The following GTPBP1 variants were observed in gnomAD, a reference collection of about 807,000 sequenced individuals.
The protein encoded by GTPBP1 is GTP binding protein 1, also known as GTP-binding protein 1.
GTPBP1 carries 23 observed loss-of-function variants against 62.0 expected under a neutral mutation model. That is an observed-to-expected ratio of 0.37 (90% confidence interval 0.27 to 0.53). The LOEUF (loss-of-function observed/expected upper bound fraction) is 0.53, where lower values mean the gene tolerates loss of function less well. GTPBP1 is among the 20% of genes least tolerant of loss of function. The probability of loss-of-function intolerance (pLI) is 0.89; values close to 1 mark genes in which losing one functional copy is unlikely to be tolerated. For missense variants in GTPBP1, 640 were observed against 917.3 expected (o/e 0.70, Z 3.90); for synonymous variants, 344 against 364.4 (o/e 0.94, Z 0.64).
chr22:38,727,116 G>A lies in GTPBP1; in HGVS notation c.1402-97G>A, dbSNP rs952105263. ...TGAGGAAACCAGGCAGAGTTGGGGT[G>A]GTCCCTATCCCTAGAAAGACTCTTG... On this transcript the variant is annotated intron_variant, in intron 8 of 11. Coordinates refer to ENST00000216044, the MANE Select transcript of GTPBP1 (RefSeq NM_004286.5). This position sits in a 1 kb window ranked among gnomAD's most constrained non-coding sequence, Gnocchi z 6.5. 1.6e-6 allele frequency: 2 copies of A among 1,213,580 alleles called. No individual in the cohort carries two copies. Among genetic ancestry groups the A allele is most frequent in the South Asian group, 1.7e-5 (1 of 59,404 alleles). 75.2% of individuals were successfully genotyped at this position (1,213,580 alleles called of 1,614,324 possible).
At chr22:38,725,614 A>C (rs1489101770) in intron 6 of GTPBP1, among the ~76,000 whole-genome samples, 1 of 152,204 alleles carries the variant, frequency 6.6e-6, no homozygotes, top group Non-Finnish European at 1.5e-5. Context: ...CTACAAGCCC[A>C]AGCCAAAGGG....
At chr22:38,741,325 A>G (rs2092855804), downstream of GTPBP1, among the ~76,000 whole-genome samples, 1 of 152,168 alleles carries the variant, frequency 6.6e-6, no homozygotes, top group Non-Finnish European at 1.5e-5. Flanking sequence ...GCCCCTGCAC[A>G]GCTCTCCAAC....
Position 38,726,462 on chromosome 22 carries a change from C to T in GTPBP1, c.1401+22C>T, listed in dbSNP as rs759405721. ...GAAGGTGAGTAGCGATGATACTGAA[C>T]GCTCCCCTCAGACTCCATCATGCTA... On this transcript the variant is annotated intron_variant, in intron 8 of 11. Coordinates refer to ENST00000216044, the MANE Select transcript of GTPBP1 (RefSeq NM_004286.5). The surrounding 1 kb of genome is among the most constrained non-coding windows in gnomAD (Gnocchi z 4.1). 54 of 1,600,684 alleles carry T rather than the reference C, an allele frequency of 3.4e-5. No homozygotes were observed. The highest frequency in any genetic ancestry group is 1.5e-4 in the South Asian group (14 of 90,474).
At chr22:38,710,466 C>A (rs1380664473) in intron 2 of GTPBP1, among the ~76,000 whole-genome samples, 1 of 152,132 alleles carries the variant, frequency 6.6e-6, no homozygotes, top group Non-Finnish European at 1.5e-5. Flanking sequence ...TCTTTCCTTC[C>A]CATCCTTGCT....
intron 4 of GTPBP1, among the ~76,000 whole-genome samples, chr22:38,720,220 G>A (rs1435763554): frequency 4.0e-5 from 6 of 150,510 alleles, no homozygotes; most frequent in South Asian, 2.1e-4. Context: ...GAGCCACCGC[G>A]CCTGGCCTTT....
Position 38,716,098 on chromosome 22 carries a change from C to A in GTPBP1, c.485+11C>A, listed in dbSNP as rs371668519. On this transcript the variant is annotated intron_variant, in intron 3 of 11. Coordinates refer to ENST00000216044, the MANE Select transcript of GTPBP1 (RefSeq NM_004286.5). The surrounding 1 kb of genome is among the most constrained non-coding windows in gnomAD (Gnocchi z 5.2). ...CTTCCTGGAGGTCAGGTGAGGAGGC[C>A]GCGGGACATTTTGGGGTCCCCATTC... 3.8e-6 allele frequency: 6 copies of A among 1,567,200 alleles called. No individual in the cohort carries two copies. Among genetic ancestry groups the A allele is most frequent in the Non-Finnish European group, 5.2e-6 (6 of 1,155,356 alleles).
rs1258970126 is a variant in GTPBP1 at position 38,716,530 on chromosome 22, G to A, written c.486-122G>A. On this transcript the variant is annotated intron_variant, in intron 3 of 11. Coordinates refer to ENST00000216044, the MANE Select transcript of GTPBP1 (RefSeq NM_004286.5). This position sits in a 1 kb window ranked among gnomAD's most constrained non-coding sequence, Gnocchi z 5.2. ...TGCTCCTCCGGCTCAAGGAGGAGCT[G>A]TGAGCCGGAGGGGATCGGGGCAAGC... 3.4e-5 allele frequency: 24 copies of A among 701,572 alleles called. No homozygotes were observed. In the South Asian group the frequency reaches 3.7e-4, roughly 11 times the overall value. 43.5% of individuals were successfully genotyped at this position (701,572 alleles called of 1,614,324 possible). A position where few individuals can be genotyped will look rare whatever the true frequency, so the allele number is the denominator to read the frequency against.
intron 5 of GTPBP1, chr22:38,723,125 C>T (rs2092709477): frequency 2.6e-6 from 2 of 780,498 alleles, no homozygotes; most frequent in Non-Finnish European, 4.7e-6. Flanking sequence ...CACAACTTCA[C>T]AGTTCACATC....
intron 4 of GTPBP1, 115 bp downstream of exon 4, chr22:38,717,115 C>A (rs368172354): frequency 4.5e-6 from 3 of 671,380 alleles, no homozygotes; most frequent in Non-Finnish European, 7.7e-6. Flanking sequence ...GCTTTGACAT[C>A]GGGTGAGGCT....
At chr22:38,742,279 C>G, downstream of GTPBP1, 1 of 1,576,204 alleles carries the variant, frequency 6.3e-7, no homozygotes, top group Non-Finnish European at 8.7e-7. Context: ...CACCTCCCAC[C>G]CTGAGGTATT....
intron 4 of GTPBP1, among the ~76,000 whole-genome samples, chr22:38,719,895 A>T: frequency 6.6e-6 from 1 of 150,974 alleles, no homozygotes. Flanking sequence ...ATCAGTCACC[A>T]GTTATCCCCC....
intron 4 of GTPBP1, among the ~76,000 whole-genome samples, chr22:38,720,355 G>A (rs1184043643): frequency 6.6e-6 from 1 of 151,992 alleles, no homozygotes; most frequent in African/African-American, 2.4e-5. Context: ...GAGTAGCTGG[G>A]ATTACAGGCA....
At chr22:38,707,656 A>G (rs1242473020) in intron 1 of GTPBP1, among the ~76,000 whole-genome samples, 1 of 152,252 alleles carries the variant, frequency 6.6e-6, no homozygotes, top group African/African-American at 2.4e-5. Context: ...CTGAAGAAAC[A>G]TGATAGGAAA....
At position 38,724,313 on chromosome 22, in the gene GTPBP1, A is replaced by C; in HGVS notation, c.975A>C (p.Leu325Phe). 6.2e-7 allele frequency: 1 copy of C among 1,610,276 alleles called. No homozygotes were observed. The highest frequency in any genetic ancestry group is 8.5e-7 in the Non-Finnish European group (1 of 1,176,542). ...CCCTTTAAGAAACCCTGAAGCTGTTACAGCGCCTGCTGAAGTCACCAGGCT... is the reference window on the plus strand; with the variant it reads ...CCCTTTAAGAAACCCTGAAGCTGTTCCAGCGCCTGCTGAAGTCACCAGGCT... ...ANILQETLKL[L>F]QRLLKSPGCR... The change falls in exon 6 of 12, where the codon TTA becomes TTC. Residue 325 changes from leucine to phenylalanine, a missense_variant. Physicochemically the swap from Leu to Phe is conservative, Grantham distance 22. Coordinates refer to ENST00000216044, the MANE Select transcript of GTPBP1 (RefSeq NM_004286.5).
chr22:38,723,632 T>C lies in GTPBP1; in HGVS notation c.959-665T>C, dbSNP rs2092712398. ...TTGGTCTGAACACAGCCTAGAATTA[T>C]CCTCTTCCTTGTTCCTTCTGGTTCC... On this transcript the variant is annotated intron_variant, in intron 5 of 11. Coordinates refer to ENST00000216044, the MANE Select transcript of GTPBP1 (RefSeq NM_004286.5). 1.5e-5 allele frequency: 7 copies of C among 477,150 alleles called. No individual in the cohort carries two copies. In the South Asian group the frequency reaches 1.8e-4, roughly 12 times the overall value. The allele number at this position is 477,150 out of a possible 1,614,324, so 29.6% of individuals were successfully genotyped here.
downstream of GTPBP1, chr22:38,735,169 T>A (rs948908983): frequency 2.3e-6 from 1 of 442,790 alleles, no homozygotes; most frequent in Non-Finnish European, 4.5e-6. Flanking sequence ...CCCTTCCCTA[T>A]CCAGGGTAAC....
chr22:38,715,214 T>C (rs961529960), intron 2 of GTPBP1, among the ~76,000 whole-genome samples: 2 of 152,186 alleles, frequency 1.3e-5, no homozygotes, highest in African/African-American at 2.4e-5. Context: ...CATCTGATCA[T>C]GTTACTCCCC....
In GTPBP1 at chr22:38,730,921, C is replaced by T; in HGVS notation, c.*217C>T. ...GGAGGACTGACCATCTCTCACTGTC[C>T]TCCCCACCTTCTTCCTCACTCACAC... On this transcript the variant is annotated 3_prime_UTR_variant, in exon 12 of 12. Transcript: ENST00000216044. The surrounding 1 kb of genome is among the most constrained non-coding windows in gnomAD (Gnocchi z 5.6). 1.8e-6 allele frequency: 1 copy of T among 542,808 alleles called. No homozygotes were observed. Among genetic ancestry groups the T allele is most frequent in the Non-Finnish European group, 3.2e-6 (1 of 308,202 alleles). The allele number at this position is 542,808 out of a possible 1,614,324, so 33.6% of individuals were successfully genotyped here. A position where few individuals can be genotyped will look rare whatever the true frequency, so the allele number is the denominator to read the frequency against.
intron 2 of GTPBP1, among the ~76,000 whole-genome samples, chr22:38,710,619 C>CA (rs149965335): frequency 0.022 from 3,260 of 145,848 alleles, 55 homozygotes; most frequent in South Asian, 0.056. Flanking sequence ...ATGCCAGGTT[C>CA]AAAAAAAAAA....
Sources: gnomAD v4.1 joint callset for allele counts (sites outside exome capture counted in the v4.1 genomes callset) on GRCh38, gnomAD v4.1.1 for gene constraint, Gnocchi (gnomAD v3.1) non-coding constraint, MANE v1.5 for transcripts, NCBI Gene and HGNC (gene_info 2026-07-23, HGNC 2026-07-21) for gene names.